Variants in JCAD observed in about 807,000 individuals in gnomAD.
JCAD encodes the protein junctional cadherin 5 associated, also known as junctional cadherin 5-associated protein.
Under a neutral mutation model 98.0 loss-of-function variants are expected in JCAD, and 40 were observed. The observed-to-expected ratio is 0.41, with a 90% CI of 0.32 to 0.53. The LOEUF is 0.53. Ranked by LOEUF, JCAD falls within the 20% of genes least tolerant of loss-of-function variation. JCAD has a pLI of 0.31. For missense variants in JCAD, 1,705 were observed against 1,738.1 expected, an observed-to-expected ratio of 0.98 and a Z score of 0.34; for synonymous variants, 691 against 682.3, an observed-to-expected ratio of 1.01 and a Z score of -0.20.
At chr10:30,043,083 C>T (rs2132637943) in intron 2 of JCAD, among the ~76,000 whole-genome samples, 1 of 152,336 alleles carries the variant, frequency 6.6e-6, no homozygotes, top group South Asian at 2.1e-4. Context: ...ACTACTTGCA[C>T]CTAAGAGATT....
intron 1 of JCAD, among the ~76,000 whole-genome samples, chr10:30,107,451 A>G (rs545306028): frequency 6.6e-6 from 1 of 152,348 alleles, no homozygotes; most frequent in Admixed American, 6.5e-5. Flanking sequence ...AATATCCAGA[A>G]GTTACCCTAT....
chr10:30,111,268 T>A (rs1169805489), intron 1 of JCAD, among the ~76,000 whole-genome samples: 2 of 152,204 alleles, frequency 1.3e-5, no homozygotes, highest in Admixed American at 6.6e-5. Context: ...CAGGGGTTAC[T>A]TCTTCTTGGG....
intron 2 of JCAD, among the ~76,000 whole-genome samples, chr10:30,032,623 G>T (rs568729907): frequency 6.6e-6 from 1 of 152,306 alleles, no homozygotes; most frequent in South Asian, 2.1e-4. Context: ...GAAAATGAAT[G>T]TTGGAAGAAT....
intron 1 of JCAD, among the ~76,000 whole-genome samples, chr10:30,051,351 C>T (rs144447277): frequency 6.6e-6 from 1 of 151,776 alleles, no homozygotes; most frequent in Admixed American, 6.6e-5. Flanking sequence ...GATGGCAACG[C>T]TGGTGTTAAT....
chr10:30,036,395 G>A (rs2132628872), intron 2 of JCAD, among the ~76,000 whole-genome samples: 1 of 151,988 alleles, frequency 6.6e-6, no homozygotes, highest in East Asian at 1.9e-4. Context: ...GTTGCAGTGA[G>A]CTGAGATTGC....
At chr10:30,062,803 T>A (rs990490084), upstream of JCAD, among the ~76,000 whole-genome samples, 3 of 152,146 alleles carry the variant, frequency 2.0e-5, no homozygotes. Context: ...CATGATTCAA[T>A]TACCTCCCAC....
At position 30,026,429 on chromosome 10, in the gene JCAD, A is replaced by G. The variant is rs200237164; in HGVS notation, c.3719T>C (p.Ile1240Thr). 6.5e-4 allele frequency: 1,049 copies of G among 1,614,096 alleles called. 2 individuals carry two copies. The highest frequency in any genetic ancestry group is 8.1e-4 in the Non-Finnish European group (958 of 1,180,042). Residue 1240 changes from isoleucine to threonine, a missense_variant, in exon 3 of 4, where the codon ATT (isoleucine) becomes ACT (threonine). This residue lies in a region of JCAD where 1,278 missense variants were observed against 1,243.1 expected (regional missense o/e 1.03). Coordinates refer to ENST00000375377, the MANE Select transcript of JCAD (RefSeq NM_020848.4). The part of the protein sequence containing the change: ...EKRLRSPSKV[I>T]ESLQEKLASP... ...GGCCAGTTTCTCTTGTAAACTTTCA[A>G]TCACTTTGGAAGGGCTTCTAAGTCT...
rs372331606 is a variant in JCAD, at chr10:30,112,276, C to A, written n.128+3091G>T. On this transcript the variant is annotated intron_variant and non_coding_transcript_variant, in intron 1 of 2. Transcript: ENST00000465712. ...ATCACTTGAAGCCAGGAGTTCAAGACCAGCCTGGGCAACAAAATGAGACCC... is the reference window on the plus strand; with the variant it reads ...ATCACTTGAAGCCAGGAGTTCAAGAACAGCCTGGGCAACAAAATGAGACCC... Among the ~76,000 whole-genome samples, 26 of 152,066 alleles carry A rather than the reference C, an allele frequency of 1.7e-4. 3 individuals are homozygous for A. The South Asian group carries it at 5.0e-3, about 29-fold the overall frequency.
intron 1 of JCAD, among the ~76,000 whole-genome samples, chr10:30,057,163 C>T (rs1213851626): frequency 1.3e-5 from 2 of 152,154 alleles, no homozygotes; most frequent in Admixed American, 6.5e-5. Flanking sequence ...GTGTTCTAAA[C>T]GCTCTCCAGA....
chr10:30,106,507 G>C (rs141881149), intron 1 of JCAD, among the ~76,000 whole-genome samples: 21 of 152,224 alleles, frequency 1.4e-4, no homozygotes, highest in African/African-American at 4.8e-4. Flanking sequence ...TAGCACAGAA[G>C]ATTAGTTTGG....
At chr10:30,089,902 C>A (rs1353543580) in intron 1 of JCAD, among the ~76,000 whole-genome samples, 1 of 152,138 alleles carries the variant, frequency 6.6e-6, no homozygotes, top group Admixed American at 6.5e-5. Flanking sequence ...AAAATAAATT[C>A]AAAATGACTG....
chr10:30,024,688 A>C (rs78597901), intron 3 of JCAD, among the ~76,000 whole-genome samples: 1 of 100,664 alleles, frequency 9.9e-6, no homozygotes, highest in Non-Finnish European at 1.8e-5. Context: ...GCCCATGTAC[A>C]TTTTTTTTTT....
chr10:30,028,020 G>A lies in JCAD; in HGVS notation c.2128C>T (p.Leu710=), dbSNP rs1012607867. ...AATGCTGCACGACTCGGCCCTCCCA[G>A]CTTTGCACCAGGGAGCAGCTGCGAA... is the stretch of plus-strand genomic sequence containing the variant. ...QSSQLLPGAK[L]GGPSRAALSP... is the part of the protein sequence containing the mutation. Residue 710 remains leucine (L), a synonymous_variant, in exon 3 of 4, where the codon CTG becomes TTG. Transcript: ENST00000375377. The A allele has an allele frequency of 2.5e-6, 4 of 1,614,130 alleles. No individual in the cohort carries two copies. In the African/African-American group the frequency reaches 5.3e-5, roughly 22 times the overall value.
rs553781405 is a variant in JCAD at position 30,069,108 on chromosome 10, C to T, written n.250+592G>A. 4.6e-5 allele frequency among the ~76,000 whole-genome samples: 7 copies of T among 152,296 alleles called. No homozygotes were observed. The East Asian group carries it at 1.3e-3, about 29-fold the overall frequency. ...TGACCCAGGCACAAATCAGTTTTTC[C>T]GTTGACCACAGCCTGGCACCATACC... is the stretch of plus-strand genomic sequence containing the variant. On this transcript the variant is annotated intron_variant and non_coding_transcript_variant, in intron 2 of 2. Transcript: ENST00000465712.
rs1366514190 is a variant in JCAD at position 30,027,375 on chromosome 10, G to A, written c.2773C>T (p.Pro925Ser). Residue 925 changes from proline to serine, a missense_variant, in exon 3 of 4, where the codon CCA (proline) becomes TCA (serine). Physicochemically the swap from Pro to Ser is moderately conservative, Grantham distance 74. Coordinates refer to ENST00000375377, the MANE Select transcript of JCAD (RefSeq NM_020848.4). ...SWSEELQPGH[P>S]RAWPPSPGRF... ...CCCGGGGATGGAGGCCAGGCACGTG[G>A]GTGGCCAGGCTGCAGCTCCTCACTC... 6.2e-7 allele frequency: 1 copy of A among 1,609,060 alleles called. No individual in the cohort carries two copies. The highest frequency in any genetic ancestry group is 2.2e-5 in the East Asian group (1 of 44,866).
chr10:30,056,389 C>T (rs1837569884), intron 1 of JCAD, among the ~76,000 whole-genome samples: 1 of 152,104 alleles, frequency 6.6e-6, no homozygotes, highest in South Asian at 2.1e-4. Context: ...CAAAAGTAAA[C>T]ACTGCAAAAC....
At position 30,059,281 on chromosome 10, in the gene JCAD, T is replaced by A. The variant is rs908207493; in HGVS notation, c.-60+201A>T. On this transcript the variant is annotated intron_variant, in intron 1 of 3. Transcript: ENST00000375377. This position sits in a 1 kb window ranked among gnomAD's most constrained non-coding sequence, Gnocchi z 5.0. Reference sequence around the variant, plus strand: ...GCCCTCCACCCCGAGGCTGCCGGGCTAGGCACCGCGCGGGGGGCCCAGGCG... The same window carrying A: ...GCCCTCCACCCCGAGGCTGCCGGGCAAGGCACCGCGCGGGGGGCCCAGGCG... Among the ~76,000 whole-genome samples the A allele has an allele frequency of 6.0e-4, 90 of 151,084 alleles. No homozygotes were observed. Among genetic ancestry groups the A allele is most frequent in the African/African-American group, 2.2e-3 (89 of 41,318 alleles).
chr10:30,067,645 T>C (rs1411871559), intron 2 of JCAD, among the ~76,000 whole-genome samples: 1 of 152,240 alleles, frequency 6.6e-6, no homozygotes, highest in East Asian at 1.9e-4. Flanking sequence ...ATCTTTGTTT[T>C]AATGTTTCTT....
rs976080732 is a variant in JCAD at position 30,113,619 on chromosome 10, G to A, written n.128+1748C>T. ...GAAGGAAGCACAAAACAGACAGATG[G>A]CTCAGAGCAGCATTCATCAGAACCT... On this transcript the variant is annotated intron_variant and non_coding_transcript_variant, in intron 1 of 2. Transcript: ENST00000465712. Among the ~76,000 whole-genome samples the A allele has an allele frequency of 6.9e-5, 10 of 145,514 alleles. No homozygotes were observed. In the Admixed American group the frequency reaches 7.0e-4, roughly 10 times the overall value.
Sources: allele counts gnomAD v4.1 joint callset (sites outside exome capture counted in the v4.1 genomes callset), GRCh38; gene constraint gnomAD v4.1.1; regional missense constraint gnomAD v4.1.1; non-coding constraint Gnocchi (gnomAD v3.1); transcripts MANE v1.5; gene names NCBI Gene and HGNC (gene_info 2026-07-23, HGNC 2026-07-21).